The following R3HDM2 variants were observed in gnomAD, a reference collection of about 807,000 sequenced individuals.
R3HDM2 encodes the protein R3H domain-containing protein 2.
In R3HDM2, 38 loss-of-function variants were observed where a neutral mutation model predicts 124.5. The observed-to-expected ratio is 0.31, with a 90% confidence interval of 0.24 to 0.40. The LOEUF (loss-of-function observed/expected upper bound fraction) is 0.40, where lower values mean the gene tolerates loss of function less well. R3HDM2 is among the 10% of genes least tolerant of loss of function. The pLI, the probability that R3HDM2 is intolerant of heterozygous loss-of-function variation, is 1.00. For missense variants in R3HDM2, 869 were observed against 1,236.9 expected (o/e 0.70, Z 4.46); for synonymous variants, 391 against 448.0 (o/e 0.87, Z 1.61).
intron 13 of R3HDM2, 66 bp downstream of exon 13, chr12:57,283,758 G>A: frequency 4.7e-6 from 7 of 1,485,754 alleles, no homozygotes; most frequent in Non-Finnish European, 6.6e-6. Context: ...GTAAATATCA[G>A]TGATGTTTCA....
chr12:57,282,172 G>A (rs914389493), intron 13 of R3HDM2, among the ~76,000 whole-genome samples: 1 of 151,994 alleles, frequency 6.6e-6, no homozygotes, highest in African/African-American at 2.4e-5. Context: ...TTAGCCGGCC[G>A]TGGTGGCGGG....
chr12:57,419,628 G>A (rs1262968807), intron 1 of R3HDM2, among the ~76,000 whole-genome samples: 3 of 151,952 alleles, frequency 2.0e-5, no homozygotes, highest in Admixed American at 1.3e-4. Flanking sequence ...TCTGGTAGAG[G>A]TGGGTGTCTC....
intron 1 of R3HDM2, among the ~76,000 whole-genome samples, chr12:57,405,609 C>T (rs186226476): frequency 3.3e-5 from 5 of 152,156 alleles, no homozygotes; most frequent in African/African-American, 7.2e-5. Context: ...ACTACAGCCT[C>T]GGTGACAGAG....
At chr12:57,255,407 C>T (rs1191959198) in intron 23 of R3HDM2, among the ~76,000 whole-genome samples, 1 of 152,234 alleles carries the variant, frequency 6.6e-6, no homozygotes, top group Non-Finnish European at 1.5e-5. Flanking sequence ...AGTTCTCTCA[C>T]AAGGTGCTAC....
chr12:57,358,277 G>T (rs914569446), intron 2 of R3HDM2, among the ~76,000 whole-genome samples: 1 of 151,844 alleles, frequency 6.6e-6, no homozygotes, highest in Admixed American at 6.6e-5. Context: ...GTGAGCCACC[G>T]CGCCCAGCCA....
At chr12:57,297,461 T>C in intron 7 of R3HDM2, 74 bp from the exon 8 acceptor site, 2 of 895,796 alleles carry the variant, frequency 2.2e-6, no homozygotes, top group Admixed American at 2.7e-5. Context: ...AAGTGGGGAT[T>C]GAAAACACAA....
intron 2 of R3HDM2, among the ~76,000 whole-genome samples, chr12:57,331,731 G>A (rs752566315): frequency 2.6e-5 from 4 of 151,806 alleles, no homozygotes; most frequent in Non-Finnish European, 4.4e-5. Context: ...TGGCTAACAC[G>A]GTGAAACCCC....
At chr12:57,335,117 G>A (rs960275878) in intron 2 of R3HDM2, among the ~76,000 whole-genome samples, 3 of 151,632 alleles carry the variant, frequency 2.0e-5, no homozygotes, top group Non-Finnish European at 4.4e-5. Flanking sequence ...ACTCCAGCCT[G>A]GGCAACAGAG....
At chr12:57,268,258 A>G in intron 18 of R3HDM2, 45 bp downstream of exon 18, 1 of 1,576,774 alleles carries the variant, frequency 6.3e-7, no homozygotes, top group Non-Finnish European at 8.6e-7. Context: ...CTGTTGCTGA[A>G]GGTCTATGGG....
At chr12:57,366,995 G>A (rs1014750327) in intron 2 of R3HDM2, among the ~76,000 whole-genome samples, 5 of 151,806 alleles carry the variant, frequency 3.3e-5, no homozygotes, top group African/African-American at 1.2e-4. Context: ...TCTGGGCTTT[G>A]TTTTGAGACT....
At chr12:57,311,970 A>G (rs2054008519) in intron 2 of R3HDM2, among the ~76,000 whole-genome samples, 1 of 152,182 alleles carries the variant, frequency 6.6e-6, no homozygotes, top group South Asian at 2.1e-4. Flanking sequence ...CATGTCCTCA[A>G]TTGCCGAAGT....
intron 1 of R3HDM2, among the ~76,000 whole-genome samples, chr12:57,420,713 C>T (rs1326576106): frequency 1.3e-5 from 2 of 151,970 alleles, no homozygotes; most frequent in African/African-American, 2.4e-5. Flanking sequence ...GCTCCACTTC[C>T]ACCAGTCACA....
intron 2 of R3HDM2, among the ~76,000 whole-genome samples, chr12:57,312,498 C>T (rs1185100605): frequency 2.6e-5 from 4 of 152,034 alleles, no homozygotes; most frequent in African/African-American, 9.7e-5. Context: ...TCTTCAGCAG[C>T]TGCCTGGAGA....
intron 2 of R3HDM2, among the ~76,000 whole-genome samples, chr12:57,355,224 G>A (rs187196103): frequency 6.9e-4 from 105 of 151,800 alleles, no homozygotes; most frequent in African/African-American, 1.7e-3. Context: ...TTGGGAGGCC[G>A]AGGCGGGCGG....
chr12:57,355,524 T>C lies in R3HDM2; in HGVS notation c.-36+40225A>G, dbSNP rs180826223. Among the ~76,000 whole-genome samples the C allele has an allele frequency of 5.4e-4, 82 of 151,844 alleles. No individual in the cohort carries two copies. In the East Asian group the frequency reaches 0.011, roughly 21 times the overall value. ...TTTTTAAAAAGTCATCTCTTTCCCA[T>C]TGAAATGACTTGGCAACTCTGTCAA... On this transcript the variant is annotated intron_variant, in intron 2 of 23. Transcript: ENST00000402412.
rs140153240 is a variant in R3HDM2 at position 57,309,750 on chromosome 12, C to T, written c.165+514G>A. 8.5e-5 allele frequency among the ~76,000 whole-genome samples: 13 copies of T among 152,292 alleles called. 1 individual carries two copies. In the East Asian group the frequency reaches 2.5e-3, roughly 29 times the overall value. The stretch of plus-strand genomic sequence containing the variant: ...TCAAAATGCAGCAAGAACCAGTGAA[C>T]TCAGGCCCAAATAGATTAGGGATTT... On this transcript the variant is annotated intron_variant, in intron 3 of 23. Coordinates refer to ENST00000402412, the MANE Select transcript of R3HDM2 (RefSeq NM_001394031.1).
chr12:57,336,081 T>C (rs1165656275), intron 2 of R3HDM2, among the ~76,000 whole-genome samples: 3 of 151,306 alleles, frequency 2.0e-5, no homozygotes, highest in Non-Finnish European at 4.4e-5. Context: ...TATCTCATTG[T>C]GGGTTTTTTT....
chr12:57,415,295 G>A (rs1483521571), intron 1 of R3HDM2: 1 of 152,118 alleles, frequency 6.6e-6, no homozygotes, highest in African/African-American at 2.4e-5. Context: ...AAGCACCAGT[G>A]GTGCTCGCTT....
At chr12:57,260,272 A>AAAAAAAAAAAAAAAAC (rs2040403032) in intron 19 of R3HDM2, among the ~76,000 whole-genome samples, 1 of 144,780 alleles carries the variant, frequency 6.9e-6, no homozygotes, top group African/African-American at 2.5e-5. Context: ...TCAAAAAAAA[A>AAAAAAAAAAAAAAAAC]AAAAAAAAAA....
Sources: allele counts gnomAD v4.1 joint callset (sites outside exome capture counted in the v4.1 genomes callset), GRCh38; gene constraint gnomAD v4.1.1; transcripts MANE v1.5; gene names NCBI Gene and HGNC (gene_info 2026-07-23, HGNC 2026-07-21).